Variants in SBF2 observed in about 807,000 individuals in gnomAD.
SBF2 encodes SET binding factor 2, also known as myotubularin-related protein 13.
A neutral mutation model predicts 225.2 loss-of-function variants in SBF2; 112 were observed. The ratio of observed to expected loss-of-function variants is 0.50; its 90% confidence interval spans 0.43 to 0.58. The LOEUF is 0.58. SBF2 is among the 20% of genes least tolerant of loss of function. The pLI, the probability that SBF2 is intolerant of heterozygous loss-of-function variation, is 0.00. For missense variants in SBF2, 1,996 were observed against 2,206.2 expected (o/e 0.90, Z 1.91); for synonymous variants, 763 against 773.3 (o/e 0.99, Z 0.22).
chr11:10,239,752 A>G (rs1215611507), intron 1 of SBF2, among the ~76,000 whole-genome samples: 5,188 of 146,620 alleles, frequency 0.035, 201 homozygotes, highest in South Asian at 0.082. Flanking sequence ...AAAACGCAAA[A>G]TGCACTATAT....
rs1261598853 is a variant in SBF2, at chr11:9,829,469, C to G, written c.3680G>C (p.Ser1227Thr). Residue 1227 changes from serine to threonine, a missense_variant, in exon 28 of 40, where the codon AGT (serine) becomes ACT (threonine). Ser to Thr is a moderately conservative substitution (Grantham distance 58). Transcript: ENST00000256190. Reference sequence around the variant, plus strand: ...CAAGTATTTCTCTTGTTCTATGCTACTGGAAGATTCTAAAGAGGAGGTAGG... The same window carrying G: ...CAAGTATTTCTCTTGTTCTATGCTAGTGGAAGATTCTAAAGAGGAGGTAGG... ...AAPTSSLESS[S>T]SIEQEKYLQA... is the part of the protein sequence containing the mutation. 10 of 1,612,616 alleles carry G rather than the reference C, an allele frequency of 6.2e-6. No individual in the cohort carries two copies. The highest frequency in any genetic ancestry group is 8.5e-6 in the Non-Finnish European group (10 of 1,178,782).
chr11:9,857,393 A>C (rs1857401964), intron 18 of SBF2, among the ~76,000 whole-genome samples: 1 of 152,234 alleles, frequency 6.6e-6, no homozygotes, highest in South Asian at 2.1e-4. Context: ...GAGATGTGTC[A>C]ATATTAACAT....
intron 2 of SBF2, among the ~76,000 whole-genome samples, chr11:10,124,830 C>T (rs900749255): frequency 2.6e-5 from 4 of 152,058 alleles, no homozygotes; most frequent in African/African-American, 7.2e-5. Flanking sequence ...TCTGGCTGGG[C>T]GTGGTGGTTC....
chr11:9,855,059 A>C (rs564406938), intron 19 of SBF2, among the ~76,000 whole-genome samples: 38 of 152,216 alleles, frequency 2.5e-4, no homozygotes, highest in Non-Finnish European at 4.4e-4. Context: ...TGAGTAGTGA[A>C]GGAATGGGAA....
chr11:10,091,270 A>G (rs760014750), intron 2 of SBF2, among the ~76,000 whole-genome samples: 1 of 152,212 alleles, frequency 6.6e-6, no homozygotes, highest in Non-Finnish European at 1.5e-5. Context: ...AGAAACCTCC[A>G]GAACAGACAT....
chr11:9,968,843 T>C (rs963658198), intron 13 of SBF2, among the ~76,000 whole-genome samples: 1 of 152,170 alleles, frequency 6.6e-6, no homozygotes, highest in Non-Finnish European at 1.5e-5. Flanking sequence ...AATGTGAATA[T>C]CTCAGGGCTC....
At chr11:9,882,664 G>A (rs1859897551) in intron 17 of SBF2, among the ~76,000 whole-genome samples, 1 of 151,900 alleles carries the variant, frequency 6.6e-6, no homozygotes, top group Non-Finnish European at 1.5e-5. Context: ...AAAATTAGCT[G>A]GGCGCGGTGG....
intron 2 of SBF2, among the ~76,000 whole-genome samples, chr11:10,171,704 G>A (rs1170216009): frequency 6.6e-6 from 1 of 152,170 alleles, no homozygotes; most frequent in Non-Finnish European, 1.5e-5. Flanking sequence ...AATAGTTTGA[G>A]TCGAAATTGC....
At chr11:9,818,958 G>C (rs775557526) in intron 28 of SBF2, among the ~76,000 whole-genome samples, 1 of 152,092 alleles carries the variant, frequency 6.6e-6, no homozygotes, top group Non-Finnish European at 1.5e-5. Flanking sequence ...CCGACCTCAG[G>C]TGATCCGCCC....
intron 3 of SBF2, 71 bp downstream of exon 3, chr11:10,042,773 A>G: frequency 6.5e-7 from 1 of 1,534,636 alleles, no homozygotes; most frequent in South Asian, 1.1e-5. Flanking sequence ...TGTAACAAAA[A>G]TATGGCATAT....
chr11:10,047,721 A>C (rs1308814162), intron 2 of SBF2, among the ~76,000 whole-genome samples: 2 of 152,284 alleles, frequency 1.3e-5, no homozygotes, highest in African/African-American at 2.4e-5. Flanking sequence ...GATTTCCTAC[A>C]TTTGGAGAGG....
At chr11:9,853,858 G>GT in intron 19 of SBF2, 146 bp from the exon 20 acceptor site, 1 of 773,826 alleles carries the variant, frequency 1.3e-6, no homozygotes, top group Middle Eastern at 2.7e-4. Flanking sequence ...TGGCTCCTTG[G>GT]TAAGTGATGG....
chr11:10,188,923 C>G (rs529510051), intron 2 of SBF2, among the ~76,000 whole-genome samples: 34 of 152,296 alleles, frequency 2.2e-4, no homozygotes, highest in African/African-American at 7.9e-4. Context: ...GCCAGGTCTT[C>G]ATACTTCGTA....
intron 1 of SBF2, among the ~76,000 whole-genome samples, chr11:10,279,375 T>C (rs1433927580): frequency 7.0e-6 from 1 of 142,810 alleles, no homozygotes; most frequent in Non-Finnish European, 1.5e-5. Flanking sequence ...GTCGCACCAT[T>C]GCACTCCAGC....
chr11:10,191,354 C>T (rs572286014), intron 2 of SBF2, among the ~76,000 whole-genome samples: 1 of 152,240 alleles, frequency 6.6e-6, no homozygotes, highest in East Asian at 1.9e-4. Flanking sequence ...AGAATATTCA[C>T]ACTCTCTAAA....
chr11:9,856,830 C>G, intron 18 of SBF2, 110 bp from the exon 19 acceptor site: 1 of 1,182,012 alleles, frequency 8.5e-7, no homozygotes, highest in Non-Finnish European at 1.2e-6. Flanking sequence ...CTCTGTCACC[C>G]AGGCTGGAGT....
intron 16 of SBF2, among the ~76,000 whole-genome samples, chr11:9,934,210 G>A (rs1195700275): frequency 6.6e-6 from 1 of 152,200 alleles, no homozygotes; most frequent in Non-Finnish European, 1.5e-5. Flanking sequence ...AAATCTAGAA[G>A]AAATGGATAA....
At chr11:9,971,660 C>T (rs915650642) in intron 13 of SBF2, among the ~76,000 whole-genome samples, 3 of 152,168 alleles carry the variant, frequency 2.0e-5, no homozygotes, top group African/African-American at 4.8e-5. Flanking sequence ...GCCTGGGTGA[C>T]AGAGTGAGAC....
chr11:9,865,688 C>CAAAAAAA (rs1174863548), intron 17 of SBF2, among the ~76,000 whole-genome samples: 359 of 14,798 alleles, frequency 0.024, 80 homozygotes, highest in Non-Finnish European at 0.027. Flanking sequence ...AAAACTGTCT[C>CAAAAAAA]AAAAAAAAAA....
Sources: allele counts gnomAD v4.1 joint callset (sites outside exome capture counted in the v4.1 genomes callset), GRCh38; gene constraint gnomAD v4.1.1; transcripts MANE v1.5; gene names NCBI Gene and HGNC (gene_info 2026-07-23, HGNC 2026-07-21).